THRB: variants seen among roughly 807,000 people sequenced by gnomAD.
THRB encodes the protein thyroid hormone receptor beta, also known as nuclear receptor subfamily 1 group A member 2.
THRB carries 12 observed loss-of-function variants against 47.8 expected under a neutral mutation model. The ratio of observed to expected loss-of-function variants is 0.25; its 90% CI spans 0.16 to 0.41. The LOEUF (loss-of-function observed/expected upper bound fraction) is 0.41, where lower values mean the gene tolerates loss of function less well. THRB is among the 10% of genes least tolerant of loss of function. THRB has a pLI of 1.00. For missense variants in THRB, 348 were observed against 589.2 expected (o/e 0.59, Z 4.24); for synonymous variants, 218 against 212.2 (o/e 1.03, Z -0.24).
intron 3 of THRB, among the ~76,000 whole-genome samples, chr3:24,286,323 T>C (rs1033678815): frequency 1.6e-4 from 25 of 152,212 alleles, no homozygotes; most frequent in African/African-American, 5.5e-4. Flanking sequence ...ACAATAACTT[T>C]CTAAGGAAAG....
At chr3:24,478,919 A>C (rs1190420431) in intron 1 of THRB, among the ~76,000 whole-genome samples, 4 of 152,160 alleles carry the variant, frequency 2.6e-5, no homozygotes, top group Admixed American at 2.6e-4. Flanking sequence ...GTCTAGAGAA[A>C]TTTTTGATTG....
At chr3:24,138,713 A>G (rs1435220091) in intron 8 of THRB, among the ~76,000 whole-genome samples, 1 of 152,148 alleles carries the variant, frequency 6.6e-6, no homozygotes, top group Non-Finnish European at 1.5e-5. Flanking sequence ...ACTATGAGCT[A>G]TGCACACAGA....
At chr3:24,124,441 T>C (rs1244253538) in intron 10 of THRB, among the ~76,000 whole-genome samples, 1 of 151,194 alleles carries the variant, frequency 6.6e-6, no homozygotes, top group Non-Finnish European at 1.5e-5. Context: ...GATCAACATA[T>C]TATTGCTTTG....
intron 5 of THRB, among the ~76,000 whole-genome samples, chr3:24,158,257 T>A (rs1402440297): frequency 6.6e-6 from 1 of 152,166 alleles, no homozygotes; most frequent in Non-Finnish European, 1.5e-5. Flanking sequence ...GAAACGGACA[T>A]CCTTTTTAGG....
Position 24,280,771 on chromosome 3 carries a change from C to T in THRB, c.-43+16455G>A, listed in dbSNP as rs1442733725. ...GCTGATGGAGCTGAAAACCAAGGCT[C>T]GAGAACTACGTGAAGAATGCAGAAG... On this transcript the variant is annotated intron_variant, in intron 3 of 10. Coordinates refer to ENST00000646209, the MANE Select transcript of THRB (RefSeq NM_001354712.2). Among the ~76,000 whole-genome samples, 69 of 151,866 alleles carry T rather than the reference C, an allele frequency of 4.5e-4. 1 individual carries two copies. The highest frequency in any genetic ancestry group is 8.3e-4 in the South Asian group (4 of 4,806).
chr3:24,198,357 C>T (rs2044207969), intron 4 of THRB, among the ~76,000 whole-genome samples: 1 of 151,144 alleles, frequency 6.6e-6, no homozygotes, highest in Non-Finnish European at 1.5e-5. Context: ...TGTGAAAGTA[C>T]TTCACAATGT....
At chr3:24,353,784 T>A (rs2063504343) in intron 1 of THRB, among the ~76,000 whole-genome samples, 1 of 152,176 alleles carries the variant, frequency 6.6e-6, no homozygotes, top group Admixed American at 6.6e-5. Context: ...GTTTGTTTTT[T>A]ATCTCTTAAT....
At chr3:24,343,942 T>C (rs2062845192) in intron 1 of THRB, among the ~76,000 whole-genome samples, 1 of 146,724 alleles carries the variant, frequency 6.8e-6, no homozygotes, top group Non-Finnish European at 1.5e-5. Context: ...TATTTATATA[T>C]TATATATTAT....
chr3:24,152,576 C>A (rs1205750140), intron 5 of THRB, 86 bp from the exon 6 acceptor site: 3 of 776,212 alleles, frequency 3.9e-6, no homozygotes, highest in East Asian at 2.6e-5. Context: ...AGGCCAGAGA[C>A]AAAATTGGCT....
At chr3:24,200,677 T>TA (rs904481554) in intron 4 of THRB, among the ~76,000 whole-genome samples, 5 of 152,162 alleles carry the variant, frequency 3.3e-5, no homozygotes, top group African/African-American at 1.2e-4. Flanking sequence ...TTTTTATGTG[T>TA]AAAAAAATAA....
chr3:24,160,620 A>T (rs6777133), intron 5 of THRB, among the ~76,000 whole-genome samples: 1 of 151,968 alleles, frequency 6.6e-6, no homozygotes, highest in Non-Finnish European at 1.5e-5. Flanking sequence ...AGCATTCCCA[A>T]TGCTCTGGAA....
intron 1 of THRB, among the ~76,000 whole-genome samples, chr3:24,366,250 C>G (rs1398105702): frequency 6.6e-6 from 1 of 152,114 alleles, no homozygotes; most frequent in Non-Finnish European, 1.5e-5. Flanking sequence ...TCCTATATAA[C>G]AAGCATTCTC....
At chr3:24,419,478 T>C (rs2069047005) in intron 1 of THRB, among the ~76,000 whole-genome samples, 1 of 151,912 alleles carries the variant, frequency 6.6e-6, no homozygotes, top group African/African-American at 2.4e-5. Context: ...TTAGGGTTCA[T>C]TTATGATAAA....
At chr3:24,127,998 C>G (rs773513259) in intron 9 of THRB, among the ~76,000 whole-genome samples, 18 of 152,190 alleles carry the variant, frequency 1.2e-4, no homozygotes, top group Non-Finnish European at 2.5e-4. Context: ...GCTTTTATGA[C>G]AGACACAGTT....
chr3:24,384,626 G>C (rs887684724), intron 1 of THRB, among the ~76,000 whole-genome samples: 1 of 152,066 alleles, frequency 6.6e-6, no homozygotes, highest in African/African-American at 2.4e-5. Context: ...AGTTTAATTA[G>C]AATGTGCCAC....
At chr3:24,342,147 T>G in intron 1 of THRB, among the ~76,000 whole-genome samples, 1 of 67,874 alleles carries the variant, frequency 1.5e-5, no homozygotes, top group Admixed American at 2.1e-4. Flanking sequence ...TTATCCCTGT[T>G]GCGCTCAAAA....
At chr3:24,245,855 G>A (rs2050060393) in intron 3 of THRB, among the ~76,000 whole-genome samples, 1 of 152,230 alleles carries the variant, frequency 6.6e-6, no homozygotes, top group South Asian at 2.1e-4. Flanking sequence ...AGAGGTTGCA[G>A]TGAGCTGAGA....
At chr3:24,484,402 C>T (rs1410132729) in intron 1 of THRB, among the ~76,000 whole-genome samples, 2 of 152,106 alleles carry the variant, frequency 1.3e-5, no homozygotes, top group African/African-American at 4.8e-5. Flanking sequence ...GTAAAATACA[C>T]ACCAGATATC....
At chr3:24,325,550 G>C (rs940212968) in intron 2 of THRB, among the ~76,000 whole-genome samples, 78 of 152,196 alleles carry the variant, frequency 5.1e-4, no homozygotes, top group African/African-American at 1.7e-3. Flanking sequence ...AGCTGGGTGT[G>C]GTGGTGCCTG....
Sources: gnomAD v4.1 joint callset for allele counts (sites outside exome capture counted in the v4.1 genomes callset) on GRCh38, gnomAD v4.1.1 for gene constraint, MANE v1.5 for transcripts, NCBI Gene and HGNC (gene_info 2026-07-23, HGNC 2026-07-21) for gene names.